The following SCAMP1 variants were observed in gnomAD, a reference collection of about 807,000 sequenced individuals.
The protein encoded by SCAMP1 is secretory carrier-associated membrane protein 1.
A neutral mutation model predicts 41.8 loss-of-function variants in SCAMP1; 15 were observed. That is an observed-to-expected ratio of 0.36 (90% CI 0.24 to 0.55). The LOEUF is 0.55. SCAMP1 is among the 20% of genes least tolerant of loss of function. The probability of loss-of-function intolerance (pLI) is 0.86; values close to 1 mark genes in which losing one functional copy is unlikely to be tolerated. For synonymous variants in SCAMP1, 135 were observed against 136.8 expected (o/e 0.99, Z 0.09); for missense variants, 341 against 412.6 (o/e 0.83, Z 1.50).
At chr5:78,469,913 C>CAAAAAAAAAAAA (rs1561290939) in intron 8 of SCAMP1, among the ~76,000 whole-genome samples, 44 of 23,102 alleles carry the variant, frequency 1.9e-3, no homozygotes, top group Non-Finnish European at 2.2e-3. Context: ...AAAAAAAAAA[C>CAAAAAAAAAAAA]AAAAAAAAAA....
intron 7 of SCAMP1, among the ~76,000 whole-genome samples, chr5:78,455,292 A>G (rs1188963054): frequency 2.1e-5 from 3 of 143,204 alleles, no homozygotes; most frequent in Non-Finnish European, 3.0e-5. Context: ...TCAATTTTGG[A>G]TCTTTCCTGC....
chr5:78,382,696 TAGAATA>T (rs1478409453), intron 1 of SCAMP1, among the ~76,000 whole-genome samples: 1 of 152,112 alleles, frequency 6.6e-6, no homozygotes, highest in African/African-American at 2.4e-5. Context: ...TTACTTCACT[TAGAATA>T]ATATCTCCAA....
chr5:78,425,551 AT>A (rs1752448425), intron 6 of SCAMP1, among the ~76,000 whole-genome samples: 1 of 152,162 alleles, frequency 6.6e-6, no homozygotes. Flanking sequence ...TATACAGGTT[AT>A]TTTATATGCA....
chr5:78,392,403 C>G (rs370604133), intron 2 of SCAMP1, among the ~76,000 whole-genome samples: 1 of 152,284 alleles, frequency 6.6e-6, no homozygotes, highest in Non-Finnish European at 1.5e-5. Context: ...TTTGCTAGTG[C>G]TATCTTTGGA....
Position 78,415,469 on chromosome 5 carries a change from T to C in SCAMP1, c.136-51T>C, listed in dbSNP as rs368441393. ...TTGGTGTTATACTTTTTGAAAGAAGTTAAAGTTGGATCTCTGTGTTACATA... is the reference window on the plus strand; with the variant it reads ...TTGGTGTTATACTTTTTGAAAGAAGCTAAAGTTGGATCTCTGTGTTACATA... On this transcript the variant is annotated intron_variant, in intron 2 of 8. Coordinates refer to ENST00000621999, the MANE Select transcript of SCAMP1 (RefSeq NM_004866.6). The C allele has an allele frequency of 2.4e-5, 27 of 1,110,022 alleles. No homozygotes were observed. In the African/African-American group the frequency reaches 4.1e-4, roughly 17 times the overall value. The allele number at this position is 1,110,022 out of a possible 1,614,324, so 68.8% of individuals were successfully genotyped here.
At chr5:78,363,653 TTTC>T (rs1750720310) in intron 1 of SCAMP1, among the ~76,000 whole-genome samples, 1 of 152,266 alleles carries the variant, frequency 6.6e-6, no homozygotes. Context: ...TTTTTTAGCA[TTTC>T]TTTTCCTTCA....
chr5:78,466,782 A>G (rs955926071), intron 8 of SCAMP1, among the ~76,000 whole-genome samples: 1 of 152,218 alleles, frequency 6.6e-6, no homozygotes, highest in African/African-American at 2.4e-5. Flanking sequence ...TCTGAAATAC[A>G]TTTGGGATTT....
intron 6 of SCAMP1, among the ~76,000 whole-genome samples, chr5:78,448,644 T>C (rs983441213): frequency 6.6e-6 from 1 of 152,196 alleles, no homozygotes; most frequent in African/African-American, 2.4e-5. Context: ...AAAAAGACTG[T>C]AACAAGTGTT....
chr5:78,411,289 A>G (rs901051552), intron 2 of SCAMP1, among the ~76,000 whole-genome samples: 2 of 152,184 alleles, frequency 1.3e-5, no homozygotes, highest in African/African-American at 4.8e-5. Context: ...TTAAAGGACC[A>G]TACTTTTCTA....
chr5:78,459,194 T>A (rs768954914), intron 7 of SCAMP1, 51 bp from the exon 8 acceptor site: 36 of 848,742 alleles, frequency 4.2e-5, no homozygotes, highest in South Asian at 3.2e-4. Context: ...ATGCTATTTT[T>A]AAAAAGTTTA....
intron 2 of SCAMP1, among the ~76,000 whole-genome samples, chr5:78,414,738 A>T (rs1454213568): frequency 5.3e-5 from 8 of 152,110 alleles, no homozygotes; most frequent in African/African-American, 1.9e-4. Flanking sequence ...GACACTACTG[A>T]TCCTCACTGG....
At chr5:78,431,278 C>CTTTT (rs771462979) in intron 6 of SCAMP1, among the ~76,000 whole-genome samples, 1 of 140,012 alleles carries the variant, frequency 7.1e-6, no homozygotes, top group African/African-American at 2.6e-5. Context: ...TGCTTTTGTA[C>CTTTT]TTTTTTTTTT....
chr5:78,423,022 A>ATG (rs1752379462), intron 6 of SCAMP1, among the ~76,000 whole-genome samples: 1 of 7,024 alleles, frequency 1.4e-4, no homozygotes, highest in Admixed American at 4.6e-4. Flanking sequence ...GCGCGCACAC[A>ATG]CACACACACA....
intron 6 of SCAMP1, among the ~76,000 whole-genome samples, chr5:78,448,362 A>G (rs1753122976): frequency 6.7e-6 from 1 of 149,642 alleles, no homozygotes; most frequent in African/African-American, 2.4e-5. Flanking sequence ...ATGAAAAGAC[A>G]AGCAACAGAC....
chr5:78,443,329 T>C (rs1752974675), intron 6 of SCAMP1, among the ~76,000 whole-genome samples: 1 of 152,090 alleles, frequency 6.6e-6, no homozygotes. Context: ...ATCTGTTTGC[T>C]TATCCGTAAA....
At chr5:78,420,142 G>A (rs563964246) in intron 5 of SCAMP1, among the ~76,000 whole-genome samples, 21 of 152,166 alleles carry the variant, frequency 1.4e-4, no homozygotes, top group East Asian at 7.7e-4. Flanking sequence ...TGCAACCTCC[G>A]CTTCCCGGGT....
intron 8 of SCAMP1, among the ~76,000 whole-genome samples, chr5:78,464,937 T>C (rs760989194): frequency 6.6e-6 from 1 of 152,246 alleles, no homozygotes; most frequent in Non-Finnish European, 1.5e-5. Context: ...ACTGTACTGC[T>C]CGGTTTCTTC....
intron 7 of SCAMP1, among the ~76,000 whole-genome samples, chr5:78,455,563 T>G (rs1018787223): frequency 8.0e-6 from 1 of 125,196 alleles, no homozygotes; most frequent in African/African-American, 3.2e-5. Flanking sequence ...TTGTTATAAT[T>G]TCTATTCTTT....
At chr5:78,387,584 A>G (rs1353225476) in intron 1 of SCAMP1, among the ~76,000 whole-genome samples, 1 of 151,904 alleles carries the variant, frequency 6.6e-6, no homozygotes, top group African/African-American at 2.4e-5. Context: ...ATTTGGGTAG[A>G]CTATATCAGA....
Sources: gnomAD v4.1 joint callset for allele counts (sites outside exome capture counted in the v4.1 genomes callset) on GRCh38, gnomAD v4.1.1 for gene constraint, MANE v1.5 for transcripts, NCBI Gene and HGNC (gene_info 2026-07-23, HGNC 2026-07-21) for gene names.